DAAM1: variants seen among roughly 807,000 people sequenced by gnomAD.
The protein encoded by DAAM1 is dishevelled associated activator of morphogenesis 1, also known as disheveled-associated activator of morphogenesis 1.
DAAM1 carries 52 observed loss-of-function variants against 130.0 expected under a neutral mutation model. The observed-to-expected ratio is 0.40, with a 90% CI of 0.32 to 0.50. DAAM1 has a LOEUF of 0.50. Among genes scored for constraint, DAAM1 ranks in the 20% least tolerant of loss-of-function variants. The pLI is 0.61. For missense variants in DAAM1, 1,134 were observed against 1,303.8 expected (o/e 0.87, Z 2.01); for synonymous variants, 452 against 444.5 (o/e 1.02, Z -0.21).
chr14:59,341,790 GT>G (rs904412185), intron 16 of DAAM1, among the ~76,000 whole-genome samples: 2 of 151,978 alleles, frequency 1.3e-5, no homozygotes, highest in South Asian at 4.2e-4. Context: ...AAGTTGTGGA[GT>G]TTTTTTTACA....
chr14:59,250,556 G>C (rs1881589496), intron 1 of DAAM1, among the ~76,000 whole-genome samples: 1 of 152,180 alleles, frequency 6.6e-6, no homozygotes, highest in African/African-American at 2.4e-5. Context: ...TTTTAATGGG[G>C]TTATTGAGAA....
chr14:59,307,626 C>CTAG (rs938712143), intron 3 of DAAM1, among the ~76,000 whole-genome samples: 1 of 152,162 alleles, frequency 6.6e-6, no homozygotes, highest in Non-Finnish European at 1.5e-5. Flanking sequence ...ATTGGCTCAA[C>CTAG]TAGTCTTTCT....
intron 1 of DAAM1, among the ~76,000 whole-genome samples, chr14:59,244,242 A>AT (rs59495382): frequency 0.26 from 37,986 of 146,346 alleles, 5,552 homozygotes; most frequent in Non-Finnish European, 0.35. Context: ...CACTAAACCT[A>AT]TTTTTTTTTT....
intron 1 of DAAM1, among the ~76,000 whole-genome samples, chr14:59,230,421 A>G (rs1889070218): frequency 6.6e-6 from 1 of 152,066 alleles, no homozygotes; most frequent in Admixed American, 6.6e-5. Flanking sequence ...CAAACAAATT[A>G]AATACTTAAA....
chr14:59,359,616 T>G (rs570970777), intron 21 of DAAM1, 112 bp downstream of exon 21: 1 of 709,638 alleles, frequency 1.4e-6, no homozygotes, highest in East Asian at 2.7e-5. Context: ...CCCCTGATCA[T>G]TGTATGAAAT....
Position 59,322,889 on chromosome 14 carries a change from CA to C in DAAM1, c.441-2del. 1 of 1,601,926 alleles carries C rather than the reference CA, an allele frequency of 6.2e-7. No individual in the cohort carries two copies. Among genetic ancestry groups the C allele is most frequent in the Non-Finnish European group, 8.5e-7 (1 of 1,172,030 alleles). On this transcript the variant is annotated splice_acceptor_variant, in intron 5 of 24. Transcript: ENST00000360909. LOFTEE classifies it high-confidence loss of function. ...AAGCATGGTGCATTTCTCTTCATGA[CA>C]GGTTTGTAACCAGATTCATCGACTT...
chr14:59,328,019 T>G (rs951620893), intron 12 of DAAM1, among the ~76,000 whole-genome samples: 1 of 152,262 alleles, frequency 6.6e-6, no homozygotes, highest in Admixed American at 6.5e-5. Flanking sequence ...TACCATGCTC[T>G]CACCATACTG....
At position 59,369,447 on chromosome 14, in the gene DAAM1, A is replaced by C. The variant is rs1887060021; in HGVS notation, c.*588A>C. On this transcript the variant is annotated 3_prime_UTR_variant, in exon 25 of 25. Transcript: ENST00000360909. The stretch of plus-strand genomic sequence containing the variant: ...CATTGGTGTGGGGATACAGTCTGTA[A>C]ATGTTTATTGAGAACATCTTGCACA... 1 of 152,568 alleles carries C rather than the reference A, an allele frequency of 6.6e-6. No individual in the cohort carries two copies. Among genetic ancestry groups the C allele is most frequent in the African/African-American group, 2.4e-5 (1 of 41,442 alleles). 9.5% of individuals were successfully genotyped at this position (152,568 alleles called of 1,614,324 possible). A position where few individuals can be genotyped will look rare whatever the true frequency, so the allele number is the denominator to read the frequency against.
chr14:59,346,590 G>C (rs893321095), intron 16 of DAAM1, among the ~76,000 whole-genome samples: 2 of 152,054 alleles, frequency 1.3e-5, no homozygotes, highest in Non-Finnish European at 2.9e-5. Flanking sequence ...AGCATAGTGA[G>C]ACCCCATTTC....
chr14:59,277,996 A>G (rs1883045835), intron 2 of DAAM1, among the ~76,000 whole-genome samples: 1 of 152,172 alleles, frequency 6.6e-6, no homozygotes, highest in Non-Finnish European at 1.5e-5. Context: ...TCCTATACAT[A>G]TATATCTATG....
chr14:59,326,939 T>G lies in DAAM1; in HGVS notation c.1320T>G (p.Val440=). Residue 440 remains valine, a synonymous_variant, in exon 12 of 25, where the codon GTT becomes GTG. Transcript: ENST00000360909. The part of the protein sequence containing the change: ...FNIKNVVRML[V]NENEVKQWKE... The stretch of plus-strand genomic sequence containing the variant: ...TCCTTGAACTCTTACACAGGTTGGT[T>G]AATGAAAATGAAGTTAAGCAGTGGA... 3.1e-6 allele frequency: 5 copies of G among 1,613,988 alleles called. No individual in the cohort carries two copies. The highest frequency in any genetic ancestry group is 4.2e-6 in the Non-Finnish European group (5 of 1,179,952).
intron 1 of DAAM1, among the ~76,000 whole-genome samples, chr14:59,215,757 G>A (rs950417441): frequency 1.3e-5 from 2 of 152,104 alleles, no homozygotes; most frequent in African/African-American, 4.8e-5. Flanking sequence ...AGGTAGATAA[G>A]GAAGGAAACA....
rs1390051681 is a variant in DAAM1 at position 59,355,336 on chromosome 14, A to T, written c.2525+3A>T. ...GACACAAAATCCAGCATCGACAAGT[A>T]AGTATGAGATCTTCCAACACTTGGG... On this transcript the variant is annotated splice_donor_region_variant and intron_variant, in intron 20 of 24. Transcript: ENST00000360909. The T allele has an allele frequency of 1.2e-6, 2 of 1,613,956 alleles. No individual in the cohort carries two copies. The highest frequency in any genetic ancestry group is 1.7e-6 in the Non-Finnish European group (2 of 1,179,930).
At chr14:59,210,648 C>G (rs751393399) in intron 1 of DAAM1, among the ~76,000 whole-genome samples, 3 of 152,158 alleles carry the variant, frequency 2.0e-5, no homozygotes, top group Non-Finnish European at 2.9e-5. Context: ...GGAGGGAAAC[C>G]TCAGGCTAGC....
chr14:59,369,430 T>A lies in DAAM1; in HGVS notation c.*571T>A, dbSNP rs1365140833. On this transcript the variant is annotated 3_prime_UTR_variant, in exon 25 of 25. Coordinates refer to ENST00000360909, the MANE Select transcript of DAAM1 (RefSeq NM_001270520.2). ...CAGCTTTGAATTTCTGACATTGGTGTGGGGATACAGTCTGTAAATGTTTAT... is the reference window on the plus strand; with the variant it reads ...CAGCTTTGAATTTCTGACATTGGTGAGGGGATACAGTCTGTAAATGTTTAT... The A allele has an allele frequency of 6.6e-6, 1 of 152,650 alleles. No homozygotes were observed. The highest frequency in any genetic ancestry group is 1.5e-5 in the Non-Finnish European group (1 of 68,070). 9.5% of individuals were successfully genotyped at this position (152,650 alleles called of 1,614,324 possible).
intron 1 of DAAM1, among the ~76,000 whole-genome samples, chr14:59,230,336 T>G (rs952718552): frequency 6.6e-6 from 1 of 151,708 alleles, no homozygotes; most frequent in Non-Finnish European, 1.5e-5. Context: ...CAAGCTAGGA[T>G]TCCCTTACCC....
intron 16 of DAAM1, among the ~76,000 whole-genome samples, chr14:59,344,497 G>A (rs1468468709): frequency 6.6e-6 from 1 of 152,210 alleles, no homozygotes; most frequent in Non-Finnish European, 1.5e-5. Context: ...GACTGATTCT[G>A]TGGATGACAG....
At chr14:59,367,677 C>A (rs1021598602) in intron 24 of DAAM1, 78 bp downstream of exon 24, 11 of 1,493,954 alleles carry the variant, frequency 7.4e-6, no homozygotes, top group Non-Finnish European at 9.8e-6. Context: ...ATTTAGAGAG[C>A]ACTCTGACCT....
intron 2 of DAAM1, among the ~76,000 whole-genome samples, chr14:59,267,069 A>G (rs1268076950): frequency 2.0e-5 from 3 of 152,244 alleles, no homozygotes; most frequent in Non-Finnish European, 4.4e-5. Context: ...AGTGTCTTCT[A>G]GACACAACAC....
Sources: allele counts gnomAD v4.1 joint callset (sites outside exome capture counted in the v4.1 genomes callset), GRCh38; gene constraint gnomAD v4.1.1; transcripts MANE v1.5; gene names NCBI Gene and HGNC (gene_info 2026-07-23, HGNC 2026-07-21).